The following SEMA3D variants were observed in gnomAD, a reference collection of about 807,000 sequenced individuals.
SEMA3D encodes the protein semaphorin 3D.
Under a neutral mutation model 100.1 loss-of-function variants are expected in SEMA3D, and 84 were observed. The observed-to-expected ratio is 0.84, with a 90% confidence interval of 0.70 to 1.01. The LOEUF is 1.01. Ranked by LOEUF, SEMA3D falls within the 50% of genes least tolerant of loss-of-function variation. The pLI is 0.00. For missense variants in SEMA3D, 875 were observed against 934.1 expected, an observed-to-expected ratio of 0.94 and a Z score of 0.82; for synonymous variants, 312 against 320.7, an observed-to-expected ratio of 0.97 and a Z score of 0.29.
intron 3 of SEMA3D, among the ~76,000 whole-genome samples, chr7:85,120,379 C>T (rs1789373347): frequency 2.0e-5 from 3 of 151,904 alleles, no homozygotes; most frequent in South Asian, 2.1e-4. Flanking sequence ...TTTTAGTTAT[C>T]GATTGTGGCC....
chr7:85,086,591 A>ATTTTCATAT (rs1788222518), intron 4 of SEMA3D, among the ~76,000 whole-genome samples: 1 of 148,260 alleles, frequency 6.7e-6, no homozygotes, highest in Non-Finnish European at 1.5e-5. Context: ...GCATTCCACT[A>ATTTTCATAT]TTTTCATATT....
At chr7:85,073,687 C>T (rs949036608) in intron 5 of SEMA3D, among the ~76,000 whole-genome samples, 3 of 152,214 alleles carry the variant, frequency 2.0e-5, no homozygotes, top group Admixed American at 2.0e-4. Flanking sequence ...ACACTGAACA[C>T]AAACGTGCAT....
chr7:85,158,701 C>T (rs1238146280), intron 1 of SEMA3D, among the ~76,000 whole-genome samples: 1 of 152,094 alleles, frequency 6.6e-6, no homozygotes, highest in Non-Finnish European at 1.5e-5. Context: ...CTAATAAAAA[C>T]TTGCTGGTTT....
At chr7:85,060,970 G>A (rs1791462614) in intron 8 of SEMA3D, among the ~76,000 whole-genome samples, 1 of 152,064 alleles carries the variant, frequency 6.6e-6, no homozygotes, top group Non-Finnish European at 1.5e-5. Flanking sequence ...CTTCCAAGTG[G>A]TCACACTTCT....
At chr7:85,195,993 G>A in the SEMA3D span, among the ~76,000 whole-genome samples, 2 of 152,118 alleles carry the variant, frequency 1.3e-5, no homozygotes, top group African/African-American at 4.8e-5. Flanking sequence ...AGGAATTGCT[G>A]AGATAAAATA....
intron 9 of SEMA3D, chr7:85,050,750 C>T: frequency 1.9e-6 from 1 of 519,572 alleles, no homozygotes; most frequent in South Asian, 2.9e-5. Flanking sequence ...CACAAATTCT[C>T]CTAAAGATAA....
At chr7:85,060,084 A>G (rs375970908) in intron 8 of SEMA3D, among the ~76,000 whole-genome samples, 31 of 152,294 alleles carry the variant, frequency 2.0e-4, no homozygotes, top group South Asian at 4.1e-4. Context: ...TGCCATAGAC[A>G]GTCTTATTCT....
chr7:85,188,002 C>A (rs1351189751), upstream of SEMA3D, among the ~76,000 whole-genome samples: 1 of 152,146 alleles, frequency 6.6e-6, no homozygotes, highest in African/African-American at 2.4e-5. Flanking sequence ...AAGCAAGCAG[C>A]CACGGGATCC....
intron 4 of SEMA3D, among the ~76,000 whole-genome samples, chr7:85,083,446 C>T (rs542017135): frequency 5.9e-5 from 9 of 152,270 alleles, no homozygotes; most frequent in South Asian, 2.1e-4. Context: ...GCAGCTGGCC[C>T]AAAATTGGAA....
chr7:85,136,521 T>TA (rs1207074494), intron 2 of SEMA3D, among the ~76,000 whole-genome samples: 2 of 152,238 alleles, frequency 1.3e-5, no homozygotes, highest in African/African-American at 4.8e-5. Context: ...AGTAACATAT[T>TA]AAAAAACATT....
intron 8 of SEMA3D, among the ~76,000 whole-genome samples, chr7:85,064,666 C>T (rs1260032685): frequency 6.6e-6 from 1 of 152,082 alleles, no homozygotes; most frequent in Admixed American, 6.6e-5. Flanking sequence ...TTATGTCATT[C>T]TGCCATGCAA....
intron 1 of SEMA3D, among the ~76,000 whole-genome samples, chr7:85,175,427 A>G (rs1341077906): frequency 6.6e-6 from 1 of 152,148 alleles, no homozygotes; most frequent in Non-Finnish European, 1.5e-5. Context: ...TATTCTGGCC[A>G]AAAACTTGCC....
upstream of SEMA3D, among the ~76,000 whole-genome samples, chr7:85,189,423 T>C (rs1480893978): frequency 6.6e-6 from 1 of 152,100 alleles, no homozygotes; most frequent in African/African-American, 2.4e-5. Flanking sequence ...TGGTATTCTG[T>C]CCTATAGGGC....
At chr7:85,038,909 A>C (rs1453842226) in intron 11 of SEMA3D, among the ~76,000 whole-genome samples, 1 of 152,172 alleles carries the variant, frequency 6.6e-6, no homozygotes, top group Non-Finnish European at 1.5e-5. Flanking sequence ...AGTGCATTTC[A>C]GTTTATGAAT....
At chr7:85,006,568 G>A (rs555428215) in intron 18 of SEMA3D, among the ~76,000 whole-genome samples, 80 of 151,948 alleles carry the variant, frequency 5.3e-4, no homozygotes, top group African/African-American at 1.9e-3. Context: ...GAAAAAAAAT[G>A]TAAATTTCTT....
intron 4 of SEMA3D, among the ~76,000 whole-genome samples, chr7:85,091,136 AGGAAGGAAGGAAGGAG>A (rs766186617): frequency 2.2e-5 from 3 of 137,562 alleles, no homozygotes; most frequent in African/African-American, 5.6e-5. Flanking sequence ...GAAGGAGGGA[AGGAAGGAAGGAAGGAG>A]GGAAGGAAGG....
chr7:85,077,797 AT>A (rs1307837957), intron 5 of SEMA3D, among the ~76,000 whole-genome samples: 5 of 152,148 alleles, frequency 3.3e-5, no homozygotes, highest in African/African-American at 1.2e-4. Flanking sequence ...CTGGAGGGCA[AT>A]TTGGCAATAT....
At chr7:85,187,634 G>T (rs936303713), upstream of SEMA3D, among the ~76,000 whole-genome samples, 3 of 152,218 alleles carry the variant, frequency 2.0e-5, no homozygotes. Flanking sequence ...CCTTGTCTTC[G>T]GGAGTTTTTT....
rs1324080820 is a variant in SEMA3D, at chr7:85,182,911, AC to A, written c.-173+3766del. ...AACTTTTCAAAACAAGCCTATGGCTACTCTTGTTCATGAAGAAAATTATTTA... is the reference window on the plus strand; with the variant it reads ...AACTTTTCAAAACAAGCCTATGGCTATCTTGTTCATGAAGAAAATTATTTA... On this transcript the variant is annotated intron_variant, in intron 1 of 18. Transcript: ENST00000284136. 2.6e-5 allele frequency among the ~76,000 whole-genome samples: 4 copies of A among 152,290 alleles called. No homozygotes were observed. The East Asian group carries it at 5.8e-4, about 22-fold the overall frequency.
Sources: allele counts gnomAD v4.1 joint callset (sites outside exome capture counted in the v4.1 genomes callset), GRCh38; gene constraint gnomAD v4.1.1; transcripts MANE v1.5; gene names NCBI Gene and HGNC (gene_info 2026-07-23, HGNC 2026-07-21).